SASS6: variants seen among roughly 807,000 people sequenced by gnomAD.
The protein encoded by SASS6 is SAS-6 centriolar assembly protein.
In SASS6, 59 loss-of-function variants were observed where a neutral mutation model predicts 94.9. That is an observed-to-expected ratio of 0.62 (90% confidence interval 0.50 to 0.77). The LOEUF (loss-of-function observed/expected upper bound fraction) is 0.77. Ranked by LOEUF, SASS6 falls within the 30% of genes least tolerant of loss-of-function variation. The probability of loss-of-function intolerance (pLI) is 0.00; values close to 1 mark genes in which losing one functional copy is unlikely to be tolerated. For missense variants in SASS6, 698 were observed against 734.1 expected, an observed-to-expected ratio of 0.95 and a Z score of 0.57; for synonymous variants, 264 against 270.0, an observed-to-expected ratio of 0.98 and a Z score of 0.22.
At chr1:100,125,571 T>C (rs57727392) in intron 2 of SASS6, among the ~76,000 whole-genome samples, 6,196 of 147,366 alleles carry the variant, frequency 0.042, 319 homozygotes, top group African/African-American at 0.12. Flanking sequence ...CCCAGCTACT[T>C]GGGAGGCTGA....
Position 100,088,180 on chromosome 1 carries a change from T to C in SASS6, c.1731A>G (p.Ser577=), listed in dbSNP as rs1242519169. 1.2e-6 allele frequency: 2 copies of C among 1,607,692 alleles called. No homozygotes were observed. The highest frequency in any genetic ancestry group is 2.2e-5 in the East Asian group (1 of 44,846). Residue 577 remains serine, a synonymous_variant, in exon 15 of 17, where the codon TCA becomes TCG. Transcript: ENST00000287482. Reference sequence around the variant, plus strand: ...AGCAAGGCATACTAATAGTTGCTCCTGACTGAACATCTCCTAGTGATGCAT... The same window carrying C: ...AGCAAGGCATACTAATAGTTGCTCCCGACTGAACATCTCCTAGTGATGCAT... ...KPNASLGDVQ[S]GATISMPCST...
rs778622638 is a variant in SASS6 at position 100,132,787 on chromosome 1, C to G, written c.28G>C (p.Val10Leu). The change falls in exon 1 of 17, where the codon GTC becomes CTC. Residue 10 changes from valine to leucine, a missense_variant. Physicochemically the swap from Val to Leu is conservative, Grantham distance 32. Coordinates refer to ENST00000287482, the MANE Select transcript of SASS6 (RefSeq NM_194292.3). MSQVLFHQLVPLQVKCKDCE... is the reference protein window; with the variant it reads MSQVLFHQLLPLQVKCKDCE... Reference sequence around the variant, plus strand: ...TCTTTGCATTTCACCTGCAACGGGACTAGTTGGTGGAACAGCACTTGGCTC... The same window carrying G: ...TCTTTGCATTTCACCTGCAACGGGAGTAGTTGGTGGAACAGCACTTGGCTC... 166 of 1,614,028 alleles carry G rather than the reference C, an allele frequency of 1.0e-4. No homozygotes were observed. Among genetic ancestry groups the G allele is most frequent in the Non-Finnish European group, 1.4e-4 (160 of 1,179,988 alleles).
intron 14 of SASS6, among the ~76,000 whole-genome samples, chr1:100,089,970 A>C (rs1441230503): frequency 1.3e-5 from 2 of 152,070 alleles, no homozygotes; most frequent in Non-Finnish European, 2.9e-5. Context: ...AAAAGAAGGG[A>C]AGAAATGGAA....
rs1655196603 is a variant in SASS6, at chr1:100,132,878, T to C, written c.-64A>G. On this transcript the variant is annotated 5_prime_UTR_variant, in exon 1 of 17. Transcript: ENST00000287482. ...ACAGGCCCGGCCCTCGGGATTAGCC[T>C]GAGAGGTCCGGGTCCTGATAAAGTT... 1 of 1,452,094 alleles carries C rather than the reference T, an allele frequency of 6.9e-7. No individual in the cohort carries two copies. Among genetic ancestry groups the C allele is most frequent in the Non-Finnish European group, 9.7e-7 (1 of 1,034,892 alleles). 90.0% of individuals were successfully genotyped at this position (1,452,094 alleles called of 1,614,324 possible). A position where few individuals can be genotyped will look rare whatever the true frequency, so the allele number is the denominator to read the frequency against.
At chr1:100,096,575 A>C (rs1322725319) in intron 14 of SASS6, among the ~76,000 whole-genome samples, 1 of 152,242 alleles carries the variant, frequency 6.6e-6, no homozygotes, top group Admixed American at 6.5e-5. Flanking sequence ...TGTATTTCAA[A>C]AGACACATTG....
At chr1:100,115,460 C>T (rs1653719346) in intron 7 of SASS6, among the ~76,000 whole-genome samples, 1 of 152,150 alleles carries the variant, frequency 6.6e-6, no homozygotes, top group Non-Finnish European at 1.5e-5. Context: ...CATCTCTCCA[C>T]TGAACGAGAA....
intron 8 of SASS6, among the ~76,000 whole-genome samples, chr1:100,109,670 T>C (rs536354923): frequency 1.3e-5 from 2 of 152,164 alleles, no homozygotes; most frequent in East Asian, 1.9e-4. Context: ...AGTCAAATAA[T>C]AGATGAGTTC....
In SASS6 at chr1:100,110,430, G is replaced by A; in HGVS notation, c.723C>T (p.Ile241=). Residue 241 remains isoleucine, a synonymous_variant, in exon 8 of 17, where the codon ATC becomes ATT. Coordinates refer to ENST00000287482, the MANE Select transcript of SASS6 (RefSeq NM_194292.3). ...QHEQQKKDLE[I]LHQQNIHQLQ... ...GCTGGTGGATGTTTTGTTGATGGAG[G>A]ATTTCTAAATCTTTTTTCTGTTGTT... The A allele has an allele frequency of 6.2e-7, 1 of 1,611,140 alleles. No individual in the cohort carries two copies. The highest frequency in any genetic ancestry group is 8.5e-7 in the Non-Finnish European group (1 of 1,178,182).
chr1:100,126,135 G>C (rs1336689708), intron 1 of SASS6, among the ~76,000 whole-genome samples, 193 bp from the exon 2 acceptor site: 1 of 152,230 alleles, frequency 6.6e-6, no homozygotes, highest in African/African-American at 2.4e-5. Context: ...TAATCTAGCA[G>C]TGTTTAACCT....
chr1:100,128,948 T>C (rs1288188862), intron 1 of SASS6, among the ~76,000 whole-genome samples: 6 of 152,084 alleles, frequency 3.9e-5, no homozygotes, highest in Admixed American at 1.3e-4. Flanking sequence ...GAAATAAACA[T>C]GGTCCAGGGG....
intron 14 of SASS6, among the ~76,000 whole-genome samples, chr1:100,097,843 A>T (rs1290564321): frequency 1.3e-5 from 2 of 152,182 alleles, no homozygotes; most frequent in Non-Finnish European, 2.9e-5. Context: ...AAAAAAGAAG[A>T]AAGACACACA....
chr1:100,102,194 T>C (rs1207305486), intron 14 of SASS6, among the ~76,000 whole-genome samples: 4 of 152,130 alleles, frequency 2.6e-5, no homozygotes, highest in Non-Finnish European at 4.4e-5. Context: ...GTTGGGGGGA[T>C]TGCTAGTCAT....
chr1:100,099,026 T>C, intron 14 of SASS6, among the ~76,000 whole-genome samples: 1 of 152,214 alleles, frequency 6.6e-6, no homozygotes, highest in East Asian at 1.9e-4. Flanking sequence ...TACATCCTCT[T>C]GTACCTTTCA....
intron 14 of SASS6, among the ~76,000 whole-genome samples, chr1:100,095,585 G>C (rs895757199): frequency 6.6e-6 from 1 of 152,010 alleles, no homozygotes; most frequent in Non-Finnish European, 1.5e-5. Flanking sequence ...ATTACAATAA[G>C]GCAAGAAAAA....
rs1237789590 is a variant in SASS6 at position 100,084,809 on chromosome 1, A to G, written c.*519T>C. The G allele has an allele frequency of 7.9e-5, 12 of 152,298 alleles. No individual in the cohort carries two copies. The highest frequency in any genetic ancestry group is 2.9e-4 in the African/African-American group (12 of 41,458). 9.4% of individuals were successfully genotyped at this position (152,298 alleles called of 1,614,324 possible). A position where few individuals can be genotyped will look rare whatever the true frequency, so the allele number is the denominator to read the frequency against. ...ACGCTATGAAGGCTTAATTCATTTC[A>G]GTTATTTAAGGTAAATTTAGGACTT... On this transcript the variant is annotated 3_prime_UTR_variant, in exon 17 of 17. Coordinates refer to ENST00000287482, the MANE Select transcript of SASS6 (RefSeq NM_194292.3).
intron 13 of SASS6, 47 bp from the exon 14 acceptor site, chr1:100,103,130 A>T: frequency 7.7e-7 from 1 of 1,299,138 alleles, no homozygotes; most frequent in East Asian, 2.5e-5. Context: ...AATTAATTCT[A>T]AATAGTATTT....
chr1:100,107,206 A>T (rs189086585), intron 11 of SASS6, among the ~76,000 whole-genome samples, 168 bp downstream of exon 11: 1 of 152,146 alleles, frequency 6.6e-6, no homozygotes, highest in African/African-American at 2.4e-5. Flanking sequence ...GAATCATGAT[A>T]ACTAACTTTC....
chr1:100,131,652 A>T (rs1655040639), intron 1 of SASS6, among the ~76,000 whole-genome samples: 1 of 152,192 alleles, frequency 6.6e-6, no homozygotes, highest in Non-Finnish European at 1.5e-5. Context: ...CTAAACCTAC[A>T]GATCTCCATA....
rs1295795477 is a variant in SASS6, at chr1:100,113,557, C to T, written c.670-3074G>A. Among the ~76,000 whole-genome samples, 3 of 150,308 alleles carry T rather than the reference C, an allele frequency of 2.0e-5. No homozygotes were observed. The South Asian group carries it at 6.3e-4, about 32-fold the overall frequency. On this transcript the variant is annotated intron_variant, in intron 7 of 16. Transcript: ENST00000287482. ...AATGGCGTGAACCCGGGAGGCAGAG[C>T]TTTCAGTGAGTTGAGATCATGCCAC...
Sources: gnomAD v4.1 joint callset for allele counts (sites outside exome capture counted in the v4.1 genomes callset) on GRCh38, gnomAD v4.1.1 for gene constraint, MANE v1.5 for transcripts, NCBI Gene and HGNC (gene_info 2026-07-23, HGNC 2026-07-21) for gene names.